COL14A1: variants seen among roughly 807,000 people sequenced by gnomAD.
COL14A1 encodes collagen alpha-1(XIV) chain.
A neutral mutation model predicts 230.3 loss-of-function variants in COL14A1; 136 were observed. The observed-to-expected ratio is 0.59, with a 90% CI of 0.51 to 0.68. The LOEUF (loss-of-function observed/expected upper bound fraction) is 0.68. Among genes scored for constraint, COL14A1 ranks in the 30% least tolerant of loss-of-function variants. The pLI is 0.00. For synonymous variants in COL14A1, 792 were observed against 784.1 expected, an observed-to-expected ratio of 1.01 and a Z score of -0.17; for missense variants, 1,976 against 2,215.8, an observed-to-expected ratio of 0.89 and a Z score of 2.17.
chr8:120,370,337 T>C (rs1378402342), intron 47 of COL14A1: 1 of 1,612,022 alleles, frequency 6.2e-7, no homozygotes, highest in African/African-American at 1.3e-5. Flanking sequence ...CTTATTAAGA[T>C]CTGATCCCCT....
chr8:120,212,408 A>G (rs996535102), intron 12 of COL14A1, 40 bp from the exon 13 acceptor site: 1 of 1,606,560 alleles, frequency 6.2e-7, no homozygotes, highest in South Asian at 1.1e-5. Context: ...CATGAATAAT[A>G]TGTATTGGCA....
Position 120,154,223 on chromosome 8 carries a change from G to A in COL14A1, c.89-3907G>A, listed in dbSNP as rs372468334. On this transcript the variant is annotated intron_variant, in intron 2 of 47. Coordinates refer to ENST00000297848, the MANE Select transcript of COL14A1 (RefSeq NM_021110.4). The stretch of plus-strand genomic sequence containing the variant: ...TCAAATTCAGATGAGAAGAAAGGAA[G>A]GAAAGAAGGAGGGAAGAAAGGGACA... Among the ~76,000 whole-genome samples, 57 of 152,134 alleles carry A rather than the reference G, an allele frequency of 3.7e-4. No homozygotes were observed. The South Asian group carries it at 0.011, about 30-fold the overall frequency.
chr8:120,330,355 A>C (rs909657263), intron 40 of COL14A1, among the ~76,000 whole-genome samples: 2 of 152,220 alleles, frequency 1.3e-5, no homozygotes, highest in African/African-American at 4.8e-5. Flanking sequence ...TAATAAAGAC[A>C]TACCCGAGAC....
chr8:120,151,372 G>A (rs144131531), intron 2 of COL14A1, among the ~76,000 whole-genome samples: 305 of 152,172 alleles, frequency 2.0e-3, no homozygotes, highest in Non-Finnish European at 3.3e-3. Context: ...ATAGTCTGGT[G>A]GCTCACGTCT....
intron 29 of COL14A1, among the ~76,000 whole-genome samples, chr8:120,280,300 A>G (rs947214470): frequency 6.6e-6 from 1 of 152,172 alleles, no homozygotes; most frequent in Admixed American, 6.5e-5. Flanking sequence ...AATGATAAAA[A>G]CCTTCCCTAA....
intron 28 of COL14A1, among the ~76,000 whole-genome samples, chr8:120,278,967 GC>G (rs1819944097): frequency 6.6e-6 from 1 of 151,994 alleles, no homozygotes; most frequent in Non-Finnish European, 1.5e-5. Flanking sequence ...ATACTATGCA[GC>G]CATAAAAAAG....
At chr8:120,281,732 G>T (rs1326393743) in intron 31 of COL14A1, among the ~76,000 whole-genome samples, 1 of 152,082 alleles carries the variant, frequency 6.6e-6, no homozygotes, top group Non-Finnish European at 1.5e-5. Flanking sequence ...GAAGCTAAAT[G>T]ACTTGAGTGA....
intron 8 of COL14A1, among the ~76,000 whole-genome samples, chr8:120,201,615 G>C (rs1049691015): frequency 4.6e-5 from 7 of 152,054 alleles, no homozygotes; most frequent in African/African-American, 1.7e-4. Flanking sequence ...TAAATTTGCT[G>C]TGCAGGAACA....
At chr8:120,357,984 C>T (rs562242422) in intron 45 of COL14A1, among the ~76,000 whole-genome samples, 12 of 152,030 alleles carry the variant, frequency 7.9e-5, no homozygotes, top group African/African-American at 2.2e-4. Context: ...ACACAAAGAA[C>T]GAGAGAAAAA....
chr8:120,280,563 A>C, intron 29 of COL14A1, 148 bp from the exon 30 acceptor site: 1 of 774,920 alleles, frequency 1.3e-6, no homozygotes, highest in Non-Finnish European at 2.1e-6. Context: ...TCATGAAACC[A>C]CAGAAAACCA....
chr8:120,182,313 T>A (rs1352374830), intron 5 of COL14A1, among the ~76,000 whole-genome samples: 1 of 152,246 alleles, frequency 6.6e-6, no homozygotes, highest in African/African-American at 2.4e-5. Flanking sequence ...CTCTTACTTG[T>A]AACTTCCTTC....
At chr8:120,137,123 TAAC>T (rs941729505) in intron 1 of COL14A1, among the ~76,000 whole-genome samples, 1 of 152,166 alleles carries the variant, frequency 6.6e-6, no homozygotes, top group Non-Finnish European at 1.5e-5. Context: ...TATTTTTTAA[TAAC>T]AAATTTAATC....
At chr8:120,330,045 C>G (rs1295179349) in intron 40 of COL14A1, among the ~76,000 whole-genome samples, 23 of 152,142 alleles carry the variant, frequency 1.5e-4, no homozygotes, top group Admixed American at 1.4e-3. Context: ...TGTAAAATCA[C>G]CCACTGGAAA....
chr8:120,125,203 G>C lies in COL14A1; in HGVS notation c.-175G>C, dbSNP rs751569672. 6.6e-6 allele frequency: 1 copy of C among 152,526 alleles called. No individual in the cohort carries two copies. The highest frequency in any genetic ancestry group is 1.5e-5 in the Non-Finnish European group (1 of 68,260). 9.4% of individuals were successfully genotyped at this position (152,526 alleles called of 1,614,324 possible). On this transcript the variant is annotated 5_prime_UTR_variant, in exon 1 of 48. Transcript: ENST00000297848. ...AGAAGGAGAGGGAGAGAGAAAGAGA[G>C]AGAGGCTAATTAAAAAAGGATACTC...
chr8:120,148,619 CTCT>C (rs1381473346), intron 2 of COL14A1, among the ~76,000 whole-genome samples: 1 of 152,164 alleles, frequency 6.6e-6, no homozygotes, highest in Non-Finnish European at 1.5e-5. Flanking sequence ...CATGTCTTGT[CTCT>C]TACATAATGT....
chr8:120,289,600 T>A lies in COL14A1; in HGVS notation c.4078-8T>A, dbSNP rs778170853. On this transcript the variant is annotated splice_region_variant and splice_polypyrimidine_tract_variant and intron_variant, in intron 33 of 47. Transcript: ENST00000297848. The stretch of plus-strand genomic sequence containing the variant: ...TCTTACCTCCTAAAACATCTTACTT[T>A]TACCTAGCTACACATTGTTGTCAGT... 8.7e-6 allele frequency: 14 copies of A among 1,612,510 alleles called. No homozygotes were observed. The highest frequency in any genetic ancestry group is 1.1e-5 in the Non-Finnish European group (13 of 1,179,478).
intron 1 of COL14A1, among the ~76,000 whole-genome samples, chr8:120,143,951 C>G (rs1328363468): frequency 6.6e-6 from 1 of 152,028 alleles, no homozygotes; most frequent in African/African-American, 2.4e-5. Context: ...TCTTATTCCT[C>G]AAGAAGAATT....
chr8:120,298,634 T>TAC (rs1820608953), intron 35 of COL14A1, among the ~76,000 whole-genome samples: 1 of 115,144 alleles, frequency 8.7e-6, no homozygotes, highest in Admixed American at 8.6e-5. Context: ...TATATATATA[T>TAC]ATATACAAAA....
chr8:120,175,185 GT>G (rs1816241399), intron 5 of COL14A1, among the ~76,000 whole-genome samples: 1 of 152,204 alleles, frequency 6.6e-6, no homozygotes, highest in Non-Finnish European at 1.5e-5. Flanking sequence ...TACTGTACAT[GT>G]TTCTTTAATA....
Sources: allele counts gnomAD v4.1 joint callset (sites outside exome capture counted in the v4.1 genomes callset), GRCh38; gene constraint gnomAD v4.1.1; transcripts MANE v1.5; gene names NCBI Gene and HGNC (gene_info 2026-07-23, HGNC 2026-07-21).